Variants in GALNT15 observed in about 807,000 individuals in gnomAD.
GALNT15 encodes the protein polypeptide N-acetylgalactosaminyltransferase 15.
A neutral mutation model predicts 66.8 loss-of-function variants in GALNT15; 67 were observed. The observed-to-expected ratio is 1.00, with a 90% CI of 0.82 to 1.23. The LOEUF (loss-of-function observed/expected upper bound fraction) is 1.23, where lower values mean the gene tolerates loss of function less well. GALNT15 is among the 50% of genes most tolerant of loss of function. The probability of loss-of-function intolerance (pLI) is 0.00; values close to 1 mark genes in which losing one functional copy is unlikely to be tolerated. For missense variants in GALNT15, 827 were observed against 804.3 expected, an observed-to-expected ratio of 1.03 and a Z score of -0.34; for synonymous variants, 313 against 311.5, an observed-to-expected ratio of 1.00 and a Z score of -0.05.
intron 6 of GALNT15, among the ~76,000 whole-genome samples, chr3:16,217,059 A>G (rs1440692077): frequency 1.3e-5 from 2 of 152,206 alleles, no homozygotes; most frequent in Non-Finnish European, 2.9e-5. Flanking sequence ...TGCCCTGCTT[A>G]TGTCTGACTA....
In GALNT15 at chr3:16,200,249, G is replaced by A. The variant is rs1424015890; in HGVS notation, c.707-370G>A. ...TCACCTCCCACCAGGTCCCTCCCTCGCCACATAGGGATTATGGGGATTACC... is the reference window on the plus strand; with the variant it reads ...TCACCTCCCACCAGGTCCCTCCCTCACCACATAGGGATTATGGGGATTACC... On this transcript the variant is annotated intron_variant, in intron 2 of 9. Transcript: ENST00000339732. The surrounding 1 kb of genome is among the most constrained non-coding windows in gnomAD (Gnocchi z 4.4). Among the ~76,000 whole-genome samples the A allele has an allele frequency of 2.0e-5, 3 of 152,074 alleles. No homozygotes were observed. The highest frequency in any genetic ancestry group is 4.4e-5 in the Non-Finnish European group (3 of 68,018).
chr3:16,175,044 C>A lies in GALNT15; in HGVS notation c.-108C>A. The A allele has an allele frequency of 1.9e-6, 2 of 1,062,222 alleles. No homozygotes were observed. The highest frequency in any genetic ancestry group is 2.7e-6 in the Non-Finnish European group (2 of 734,138). The allele number at this position is 1,062,222 out of a possible 1,614,324, so 65.8% of individuals were successfully genotyped here. On this transcript the variant is annotated 5_prime_UTR_variant, in exon 1 of 10. Transcript: ENST00000339732. The surrounding 1 kb of genome is among the most constrained non-coding windows in gnomAD (Gnocchi z 5.6). ...CCAGGTTAAGTGACTGGCAGAAAAACTTCCAGGTGGAACAAGCAACCCAGG... is the reference window on the plus strand; with the variant it reads ...CCAGGTTAAGTGACTGGCAGAAAAAATTCCAGGTGGAACAAGCAACCCAGG...
At position 16,209,631 on chromosome 3, in the gene GALNT15, A is replaced by G. The variant is rs2063791756; in HGVS notation, c.1079+961A>G. Among the ~76,000 whole-genome samples, 1 of 152,196 alleles carries G rather than the reference A, an allele frequency of 6.6e-6. No homozygotes were observed. The highest frequency in any genetic ancestry group is 2.4e-5 in the African/African-American group (1 of 41,446). ...CCAGGAGTTCGAGACCAACCTGGCCATCATGGCGAAACCCCATCTCTACTA... is the reference window on the plus strand; with the variant it reads ...CCAGGAGTTCGAGACCAACCTGGCCGTCATGGCGAAACCCCATCTCTACTA... On this transcript the variant is annotated intron_variant, in intron 4 of 9. Coordinates refer to ENST00000339732, the MANE Select transcript of GALNT15 (RefSeq NM_054110.5). This position sits in a 1 kb window ranked among gnomAD's most constrained non-coding sequence, Gnocchi z 4.1.
chr3:16,219,254 C>A lies in GALNT15; in HGVS notation c.1393-149C>A. The A allele has an allele frequency of 1.1e-6, 1 of 891,924 alleles. No homozygotes were observed. The highest frequency in any genetic ancestry group is 1.7e-6 in the Non-Finnish European group (1 of 574,862). 55.3% of individuals were successfully genotyped at this position (891,924 alleles called of 1,614,324 possible). ...GACCTTCTTCTCCCAACACATGACC[C>A]TCCCCACTGCAGCCCTGGAGAACTG... On this transcript the variant is annotated intron_variant, in intron 6 of 9. Transcript: ENST00000339732. The surrounding 1 kb of genome is among the most constrained non-coding windows in gnomAD (Gnocchi z 4.3).
chr3:16,212,557 CCTTCGT>C lies in GALNT15; in HGVS notation c.1198-11_1198-6del. 1 of 1,608,284 alleles carries C rather than the reference CCTTCGT, an allele frequency of 6.2e-7. No individual in the cohort carries two copies. The highest frequency in any genetic ancestry group is 8.5e-7 in the Non-Finnish European group (1 of 1,176,278). ...GGAATGCTGAGGTGTTTATCTTTTC[CCTTCGT>C]GGCAGGCCTGGCTCTGTGGTGGCTC... On this transcript the variant is annotated splice_region_variant and splice_polypyrimidine_tract_variant and intron_variant, in intron 5 of 9. Coordinates refer to ENST00000339732, the MANE Select transcript of GALNT15 (RefSeq NM_054110.5).
chr3:16,243,967 A>G, the GALNT15 span: 4 of 984,170 alleles, frequency 4.1e-6, no homozygotes, highest in Non-Finnish European at 4.8e-6. Flanking sequence ...AGCGGGCTCC[A>G]GTCAGACCTG....
chr3:16,234,713 C>T (rs921138835), downstream of GALNT15, among the ~76,000 whole-genome samples: 1 of 152,202 alleles, frequency 6.6e-6, no homozygotes, highest in African/African-American at 2.4e-5. Flanking sequence ...TGGCTTGTCC[C>T]AACAAAAGCT....
chr3:16,226,878 A>G (rs952750801), intron 9 of GALNT15, among the ~76,000 whole-genome samples: 2 of 152,242 alleles, frequency 1.3e-5, no homozygotes, highest in Admixed American at 1.3e-4. Flanking sequence ...GGGAATAGCC[A>G]TGGTCTTCTG....
rs1194764491 is a variant in GALNT15 at position 16,198,480 on chromosome 3, A to G, written c.707-2139A>G. On this transcript the variant is annotated intron_variant, in intron 2 of 9. Coordinates refer to ENST00000339732, the MANE Select transcript of GALNT15 (RefSeq NM_054110.5). ...GTTTTTAGCTGTCCCGAGAAACATCAAAGTTCTGTCAGTACAGTGGAAGGG... is the reference window on the plus strand; with the variant it reads ...GTTTTTAGCTGTCCCGAGAAACATCGAAGTTCTGTCAGTACAGTGGAAGGG... Among the ~76,000 whole-genome samples the G allele has an allele frequency of 7.0e-5, 10 of 142,134 alleles. 1 individual carries two copies. The East Asian group carries it at 2.1e-3, about 30-fold the overall frequency. The allele number at this position is 142,134 out of a possible 152,430, so 93.2% of individuals were successfully genotyped here.
rs2063721098 is a variant in GALNT15 at position 16,203,312 on chromosome 3, T to C, written c.911+2489T>C. The stretch of plus-strand genomic sequence containing the variant: ...ATCTGCTTCTCACATCGGGGCCCCA[T>C]TTCCCAGAGCTAGGTGAAGGTAGAA... On this transcript the variant is annotated intron_variant, in intron 3 of 9. Coordinates refer to ENST00000339732, the MANE Select transcript of GALNT15 (RefSeq NM_054110.5). This position sits in a 1 kb window ranked among gnomAD's most constrained non-coding sequence, Gnocchi z 6.2. Among the ~76,000 whole-genome samples the C allele has an allele frequency of 6.6e-6, 1 of 152,002 alleles. No homozygotes were observed. The highest frequency in any genetic ancestry group is 6.6e-5 in the Admixed American group (1 of 15,266).
At chr3:16,239,509 CCCAAGTAGGAA>C in the GALNT15 span, among the ~76,000 whole-genome samples, 4 of 152,148 alleles carry the variant, frequency 2.6e-5, no homozygotes. This position sits in a 1 kb window ranked among gnomAD's most constrained non-coding sequence, Gnocchi z 5.2. Flanking sequence ...CTGCCCTCTG[CCCAAGTAGGAA>C]CCTTCAATGC....
chr3:16,206,231 A>G (rs1440317495), intron 3 of GALNT15, among the ~76,000 whole-genome samples: 1 of 151,950 alleles, frequency 6.6e-6, no homozygotes, highest in Non-Finnish European at 1.5e-5. Context: ...ACACACCCCC[A>G]CACTAGCCGG....
At chr3:16,213,855 C>T (rs1210858053) in intron 6 of GALNT15, among the ~76,000 whole-genome samples, 2 of 152,222 alleles carry the variant, frequency 1.3e-5, no homozygotes, top group African/African-American at 2.4e-5. Flanking sequence ...CCCCTTCTGC[C>T]CTGGTCCTCA....
At chr3:16,221,690 G>A (rs2063944247) in intron 8 of GALNT15, among the ~76,000 whole-genome samples, 1 of 152,174 alleles carries the variant, frequency 6.6e-6, no homozygotes, top group South Asian at 2.1e-4. Context: ...CCTGCCACAG[G>A]AAAATGGTAA....
chr3:16,186,840 T>C lies in GALNT15; in HGVS notation c.540-8920T>C, dbSNP rs112213690. On this transcript the variant is annotated intron_variant, in intron 1 of 9. Transcript: ENST00000339732. The surrounding 1 kb of genome is among the most constrained non-coding windows in gnomAD (Gnocchi z 5.1). Reference sequence around the variant, plus strand: ...GTAGTAGGTTTTTGGGGGTGGGGTGTTGAAAACGTTCTCAAATTAGACAGT... The same window carrying C: ...GTAGTAGGTTTTTGGGGGTGGGGTGCTGAAAACGTTCTCAAATTAGACAGT... Among the ~76,000 whole-genome samples, 377 of 152,270 alleles carry C rather than the reference T, an allele frequency of 2.5e-3. No homozygotes were observed. Among genetic ancestry groups the C allele is most frequent in the African/African-American group, 8.6e-3 (359 of 41,542 alleles).
At position 16,195,837 on chromosome 3, in the gene GALNT15, C is replaced by G; in HGVS notation, c.617C>G (p.Thr206Ser). ...ILCFHDEAWS[T>S]LLRTVHSILD... is the part of the protein sequence containing the mutation. ...TGTTTCCATGATGAGGCCTGGTCCA[C>G]TCTCCTGCGGACTGTACACAGCATC... is the stretch of plus-strand genomic sequence containing the variant. The change falls in exon 2 of 10, where the codon ACT becomes AGT. Residue 206 changes from threonine to serine, a missense_variant. Thr to Ser is a moderately conservative substitution (Grantham distance 58). Coordinates refer to ENST00000339732, the MANE Select transcript of GALNT15 (RefSeq NM_054110.5). The surrounding 1 kb of genome is among the most constrained non-coding windows in gnomAD (Gnocchi z 4.6). The G allele has an allele frequency of 6.2e-7, 1 of 1,614,118 alleles. No individual in the cohort carries two copies. The highest frequency in any genetic ancestry group is 8.5e-7 in the Non-Finnish European group (1 of 1,179,994).
intron 1 of GALNT15, among the ~76,000 whole-genome samples, chr3:16,190,637 C>CA (rs34205852): frequency 0.074 from 7,266 of 98,596 alleles, 284 homozygotes; most frequent in Non-Finnish European, 0.1. Flanking sequence ...GACTCCGTAT[C>CA]AAAAAAAAAA....
intron 3 of GALNT15, among the ~76,000 whole-genome samples, chr3:16,202,006 T>G (rs950976070): frequency 1.3e-5 from 2 of 152,200 alleles, no homozygotes; most frequent in African/African-American, 2.4e-5. Flanking sequence ...GCCTTATGAC[T>G]TCTACCCATG....
At chr3:16,198,476 C>G (rs2063663447) in intron 2 of GALNT15, among the ~76,000 whole-genome samples, 1 of 141,630 alleles carries the variant, frequency 7.1e-6, no homozygotes, top group African/African-American at 2.6e-5. Flanking sequence ...TCCCGAGAAA[C>G]ATCAAAGTTC....
Sources: gnomAD v4.1 joint callset for allele counts (sites outside exome capture counted in the v4.1 genomes callset) on GRCh38, gnomAD v4.1.1 for gene constraint, Gnocchi (gnomAD v3.1) non-coding constraint, MANE v1.5 for transcripts, NCBI Gene and HGNC (gene_info 2026-07-23, HGNC 2026-07-21) for gene names.